The following ADGRL3 variants were observed in gnomAD, a reference collection of about 807,000 sequenced individuals.
ADGRL3 encodes adhesion G protein-coupled receptor L3.
ADGRL3 carries 62 observed loss-of-function variants against 153.5 expected under a neutral mutation model. The ratio of observed to expected loss-of-function variants is 0.40; its 90% CI spans 0.33 to 0.50. ADGRL3 has a LOEUF of 0.50. ADGRL3 is among the 20% of genes least tolerant of loss of function. ADGRL3 has a pLI of 0.47. For missense variants in ADGRL3, 1,641 were observed against 1,859.4 expected, an observed-to-expected ratio of 0.88 and a Z score of 2.16; for synonymous variants, 710 against 672.5, an observed-to-expected ratio of 1.06 and a Z score of -0.86.
intron 9 of ADGRL3, among the ~76,000 whole-genome samples, chr4:61,876,373 C>G (rs1341404808): frequency 6.6e-6 from 1 of 151,752 alleles, no homozygotes; most frequent in Admixed American, 6.6e-5. Flanking sequence ...AACTGATACT[C>G]ATAAAGAACT....
rs533399983 is a variant in ADGRL3, at chr4:61,779,871, A to G, written c.1400-33938A>G. Among the ~76,000 whole-genome samples, 9 of 152,216 alleles carry G rather than the reference A, an allele frequency of 5.9e-5. No individual in the cohort carries two copies. The South Asian group carries it at 1.5e-3, about 25-fold the overall frequency. On this transcript the variant is annotated intron_variant, in intron 8 of 26. Coordinates refer to ENST00000683033, the MANE Select transcript of ADGRL3 (RefSeq NM_001387552.1). The stretch of plus-strand genomic sequence containing the variant: ...TTCCTATCTAATGCAAGGAGGCTAT[A>G]TAAATCACCCCGGGATCATGTTAAA...
At chr4:61,536,229 G>A (rs913962239) in intron 4 of ADGRL3, among the ~76,000 whole-genome samples, 8 of 151,976 alleles carry the variant, frequency 5.3e-5, no homozygotes, top group South Asian at 2.1e-4. Context: ...ATGTTATTCC[G>A]CTGTGGTCTA....
At chr4:61,356,982 ATT>A in intron 1 of ADGRL3, among the ~76,000 whole-genome samples, 1 of 148,114 alleles carries the variant, frequency 6.8e-6, no homozygotes, top group South Asian at 2.2e-4. Flanking sequence ...ACAGTGCTTT[ATT>A]TTTTTTTTCA....
chr4:61,925,536 TG>T (rs1012021753), intron 13 of ADGRL3, among the ~76,000 whole-genome samples: 1 of 152,140 alleles, frequency 6.6e-6, no homozygotes, highest in African/African-American at 2.4e-5. Flanking sequence ...AGCATGGCAC[TG>T]GCATCTGCTT....
chr4:61,572,131 A>C (rs2098841526), intron 4 of ADGRL3, among the ~76,000 whole-genome samples: 1 of 152,098 alleles, frequency 6.6e-6, no homozygotes, highest in African/African-American at 2.4e-5. Flanking sequence ...CTTTTTATAA[A>C]TCCTTTTTCT....
At chr4:61,957,812 C>A (rs10031103) in intron 17 of ADGRL3, among the ~76,000 whole-genome samples, 21 of 151,468 alleles carry the variant, frequency 1.4e-4, no homozygotes, top group South Asian at 1.0e-3. Flanking sequence ...AAATGTTGAA[C>A]CTTTTAGTGA....
chr4:61,597,881 A>G (rs1182810990), intron 5 of ADGRL3, among the ~76,000 whole-genome samples: 1 of 152,084 alleles, frequency 6.6e-6, no homozygotes, highest in African/African-American at 2.4e-5. Flanking sequence ...GCATAAAAAT[A>G]CCTATGGCCA....
chr4:61,776,146 C>T (rs1293167380), intron 8 of ADGRL3, among the ~76,000 whole-genome samples: 2 of 152,174 alleles, frequency 1.3e-5, no homozygotes, highest in East Asian at 1.9e-4. Context: ...GTGATCCACC[C>T]GCCTCGGCCT....
chr4:61,666,293 A>T lies in ADGRL3; in HGVS notation c.474-10533A>T, dbSNP rs148006845. 9.4e-3 allele frequency among the ~76,000 whole-genome samples: 1,433 copies of T among 152,282 alleles called. 26 individuals are homozygous for T. The highest frequency in any genetic ancestry group is 0.032 in the African/African-American group (1,317 of 41,570). ...TTACTTGACTTCAATATCTAGTATT[A>T]GTAAAAGTTCCTTTTCTTTCCATTT... On this transcript the variant is annotated intron_variant, in intron 5 of 26. Transcript: ENST00000683033.
At chr4:62,000,788 T>C (rs987672053) in intron 21 of ADGRL3, among the ~76,000 whole-genome samples, 3 of 151,792 alleles carry the variant, frequency 2.0e-5, no homozygotes, top group African/African-American at 7.3e-5. Context: ...TATTTATTTA[T>C]TTTTTTTTCA....
At chr4:62,030,101 G>A (rs187562519) in intron 22 of ADGRL3, among the ~76,000 whole-genome samples, 4 of 151,444 alleles carry the variant, frequency 2.6e-5, no homozygotes, top group African/African-American at 9.7e-5. Flanking sequence ...ATGAAATATA[G>A]TGGCTGATTG....
intron 17 of ADGRL3, among the ~76,000 whole-genome samples, 192 bp downstream of exon 17, chr4:61,948,468 A>G (rs889889830): frequency 1.2e-4 from 19 of 152,106 alleles, no homozygotes; most frequent in Admixed American, 6.6e-4. Context: ...TTTTCCTATT[A>G]TCAAAATAGT....
chr4:61,927,095 C>T, intron 13 of ADGRL3, among the ~76,000 whole-genome samples: 1 of 152,106 alleles, frequency 6.6e-6, no homozygotes, highest in East Asian at 1.9e-4. Flanking sequence ...TGTTTAATTG[C>T]CTGGCCTCAC....
intron 5 of ADGRL3, among the ~76,000 whole-genome samples, chr4:61,638,003 A>G (rs980111807): frequency 2.0e-5 from 3 of 152,164 alleles, no homozygotes; most frequent in Non-Finnish European, 4.4e-5. Context: ...AAATTAATAC[A>G]TATCAACTTT....
chr4:61,733,379 C>T lies in ADGRL3; in HGVS notation c.1224C>T (p.Asp408=), dbSNP rs2096466963. ...DDNEATGNKI[D]YIYNTDQSKD... is the part of the protein sequence containing the mutation. ...ATGAGGCTACTGGAAATAAGATTGA[C>T]TACATTTACAACACTGACCAAAGCA... Residue 408 remains aspartate, a synonymous_variant, in exon 8 of 27, where the codon GAC becomes GAT. Coordinates refer to ENST00000683033, the MANE Select transcript of ADGRL3 (RefSeq NM_001387552.1). 6.2e-7 allele frequency: 1 copy of T among 1,613,640 alleles called. No individual in the cohort carries two copies.
intron 1 of ADGRL3, among the ~76,000 whole-genome samples, chr4:61,359,127 C>T (rs935881763): frequency 6.6e-6 from 1 of 152,176 alleles, no homozygotes; most frequent in African/African-American, 2.4e-5. Flanking sequence ...AATCCTATGG[C>T]TTCTACCTTA....
intron 18 of ADGRL3, 120 bp from the exon 19 acceptor site, chr4:61,983,263 G>T: frequency 1.5e-6 from 1 of 672,192 alleles, no homozygotes; most frequent in Non-Finnish European, 2.6e-6. Flanking sequence ...TCTTCCCTAG[G>T]TTATTATTTT....
chr4:61,673,282 TAAC>T (rs2095068819), intron 5 of ADGRL3, among the ~76,000 whole-genome samples: 1 of 151,894 alleles, frequency 6.6e-6, no homozygotes, highest in South Asian at 2.1e-4. Context: ...TAACCACAGT[TAAC>T]AATACTGTAT....
At chr4:61,577,941 G>A (rs2098899653) in intron 4 of ADGRL3, among the ~76,000 whole-genome samples, 1 of 151,992 alleles carries the variant, frequency 6.6e-6, no homozygotes, top group Non-Finnish European at 1.5e-5. Flanking sequence ...AACTTTTATA[G>A]TATATTAGTT....
Sources: gnomAD v4.1 joint callset for allele counts (sites outside exome capture counted in the v4.1 genomes callset) on GRCh38, gnomAD v4.1.1 for gene constraint, MANE v1.5 for transcripts, NCBI Gene and HGNC (gene_info 2026-07-23, HGNC 2026-07-21) for gene names.